CCDC57: variants seen among roughly 807,000 people sequenced by gnomAD.
CCDC57 encodes the protein coiled-coil domain-containing protein 57.
Under a neutral mutation model 118.9 loss-of-function variants are expected in CCDC57, and 118 were observed. That is an observed-to-expected ratio of 0.99 (90% CI 0.86 to 1.16). The LOEUF is 1.16. Ranked by LOEUF, CCDC57 falls within the 50% of genes most tolerant of loss-of-function variation. The probability of loss-of-function intolerance (pLI) is 0.00; values close to 1 mark genes in which losing one functional copy is unlikely to be tolerated. For synonymous variants in CCDC57, 527 were observed against 532.9 expected, an observed-to-expected ratio of 0.99 and a Z score of 0.15; for missense variants, 1,300 against 1,320.7, an observed-to-expected ratio of 0.98 and a Z score of 0.24.
chr17:82,202,337 A>G (rs1459563145), intron 2 of CCDC57, among the ~76,000 whole-genome samples: 1 of 151,498 alleles, frequency 6.6e-6, no homozygotes, highest in African/African-American at 2.4e-5. Context: ...CTGTGGTGGC[A>G]CGTGCCTGTA....
At chr17:82,126,858 G>A in intron 19 of CCDC57, 1 of 985,424 alleles carries the variant, frequency 1.0e-6, no homozygotes, top group Non-Finnish European at 1.2e-6. Context: ...TTAAATGAAT[G>A]AGGCACACCC....
chr17:82,115,708 G>C (rs1480033060), intron 19 of CCDC57, among the ~76,000 whole-genome samples: 3 of 151,842 alleles, frequency 2.0e-5, no homozygotes, highest in African/African-American at 4.8e-5. Flanking sequence ...CTGGGAGGTG[G>C]AGTGAGCTGA....
intron 13 of CCDC57, among the ~76,000 whole-genome samples, chr17:82,170,231 C>T (rs945212406): frequency 3.3e-5 from 5 of 152,082 alleles, no homozygotes; most frequent in African/African-American, 1.2e-4. Flanking sequence ...GAGGAAGAGT[C>T]GGGCGCGGTG....
chr17:82,148,614 G>A (rs1480757813), intron 16 of CCDC57, among the ~76,000 whole-genome samples: 1 of 92,352 alleles, frequency 1.1e-5, no homozygotes, highest in Non-Finnish European at 2.2e-5. Flanking sequence ...ATGGATGGGT[G>A]GGTGAGTAGA....
At position 82,128,456 on chromosome 17, in the gene CCDC57, C is replaced by T. The variant is rs766580791; in HGVS notation, c.2682+37G>A. 24 of 1,459,472 alleles carry T rather than the reference C, an allele frequency of 1.6e-5. 1 individual carries two copies. The South Asian group carries it at 2.9e-4, about 18-fold the overall frequency. The allele number at this position is 1,459,472 out of a possible 1,614,324, so 90.4% of individuals were successfully genotyped here. The stretch of plus-strand genomic sequence containing the variant: ...CCCGGCTTCCCTGCTGGCCACACCC[C>T]ACACAGCTGCACTTGCTCGGGCGCC... On this transcript the variant is annotated intron_variant, in intron 18 of 19. Transcript: ENST00000665763.
At chr17:82,102,416 G>C (rs979628023) in intron 19 of CCDC57, among the ~76,000 whole-genome samples, 9 of 152,270 alleles carry the variant, frequency 5.9e-5, no homozygotes, top group Non-Finnish European at 1.2e-4. Context: ...GCTACACACA[G>C]AGGCTGGGGC....
chr17:82,132,399 G>A (rs748823521), intron 17 of CCDC57, among the ~76,000 whole-genome samples: 9 of 152,080 alleles, frequency 5.9e-5, no homozygotes, highest in Admixed American at 2.6e-4. Context: ...ACGGAAAGGC[G>A]GAGGGAGTGT....
At chr17:82,201,408 G>T in intron 3 of CCDC57, 130 bp downstream of exon 2, 1 of 1,198,372 alleles carries the variant, frequency 8.3e-7, no homozygotes, top group Non-Finnish European at 1.1e-6. Context: ...ACCAGCTCCC[G>T]TGGCCTGGAA....
chr17:82,212,400 T>C lies in CCDC57; in HGVS notation c.-211+385A>G, dbSNP rs1413171901. On this transcript the variant is annotated intron_variant, in intron 1 of 19. Transcript: ENST00000665763. This position sits in a 1 kb window ranked among gnomAD's most constrained non-coding sequence, Gnocchi z 4.1. Reference sequence around the variant, plus strand: ...CTCCGGCCTTTTTTTTTCCTCTCTTTTTTTTTTTTTTTTTTTAAACTCACA... The same window carrying C: ...CTCCGGCCTTTTTTTTTCCTCTCTTCTTTTTTTTTTTTTTTTAAACTCACA... Among the ~76,000 whole-genome samples, 16 of 145,338 alleles carry C rather than the reference T, an allele frequency of 1.1e-4. No homozygotes were observed. Among genetic ancestry groups the C allele is most frequent in the Admixed American group, 2.7e-4 (4 of 14,724 alleles).
chr17:82,127,590 G>T, intron 19 of CCDC57, 102 bp downstream of exon 18: 1 of 1,475,582 alleles, frequency 6.8e-7, no homozygotes, highest in Non-Finnish European at 9.0e-7. Context: ...ATTTCAGGGT[G>T]CAGGAGGCAC....
intron 16 of CCDC57, among the ~76,000 whole-genome samples, chr17:82,142,212 GAC>G (rs972662967): frequency 3.9e-5 from 6 of 152,120 alleles, no homozygotes; most frequent in African/African-American, 9.7e-5. Context: ...AGTATTGCTG[GAC>G]ACAGTTAAAC....
intron 19 of CCDC57, chr17:82,106,737 G>C (rs1330527508): frequency 6.5e-6 from 1 of 154,344 alleles, no homozygotes; most frequent in Non-Finnish European, 1.4e-5. Context: ...TGAGTGCTGA[G>C]TGCCTGGGCT....
At chr17:82,170,847 C>T (rs1050392192) in intron 13 of CCDC57, among the ~76,000 whole-genome samples, 3 of 152,172 alleles carry the variant, frequency 2.0e-5, no homozygotes, top group African/African-American at 4.8e-5. Flanking sequence ...GGATGTGCTA[C>T]GTGTCCACTA....
intron 16 of CCDC57, among the ~76,000 whole-genome samples, 199 bp downstream of exon 15, chr17:82,151,361 A>G (rs75705938): frequency 0.51 from 57,432 of 113,268 alleles, 14,402 homozygotes; most frequent in East Asian, 0.89. Flanking sequence ...AGAACCTGGC[A>G]CACACCCAGA....
chr17:82,130,812 T>C (rs1005095116), intron 17 of CCDC57, among the ~76,000 whole-genome samples: 1 of 146,740 alleles, frequency 6.8e-6, no homozygotes, highest in Non-Finnish European at 1.5e-5. Flanking sequence ...CTCCTTTTTT[T>C]TGGGGGGGTG....
At chr17:82,117,864 C>T (rs150542387) in intron 19 of CCDC57, among the ~76,000 whole-genome samples, 2 of 152,304 alleles carry the variant, frequency 1.3e-5, no homozygotes, top group African/African-American at 4.8e-5. Context: ...GGTAACAGCG[C>T]TCAGAACTCA....
intron 17 of CCDC57, among the ~76,000 whole-genome samples, chr17:82,133,513 A>C (rs757276831): frequency 1.3e-4 from 19 of 151,270 alleles, no homozygotes; most frequent in Non-Finnish European, 2.7e-4. Flanking sequence ...TAGTACCCAG[A>C]TATGTAAAGC....
intron 10 of CCDC57, 40 bp from the exon 10 acceptor site, chr17:82,178,645 C>T (rs754487610): frequency 3.1e-5 from 50 of 1,599,552 alleles, no homozygotes; most frequent in Non-Finnish European, 3.7e-5. Flanking sequence ...TGTGGATGAC[C>T]GGGCAGCTCC....
chr17:82,147,820 G>T (rs1230215915), intron 16 of CCDC57, among the ~76,000 whole-genome samples: 2 of 130,834 alleles, frequency 1.5e-5, no homozygotes, highest in Non-Finnish European at 3.3e-5. Context: ...AGATGAATGG[G>T]TGGGTGGATG....
Sources: gnomAD v4.1 joint callset for allele counts (sites outside exome capture counted in the v4.1 genomes callset) on GRCh38, gnomAD v4.1.1 for gene constraint, Gnocchi (gnomAD v3.1) non-coding constraint, MANE v1.5 for transcripts, NCBI Gene and HGNC (gene_info 2026-07-23, HGNC 2026-07-21) for gene names.